The following P4HA3 variants were observed in gnomAD, a reference collection of about 807,000 sequenced individuals.
P4HA3 encodes the protein prolyl 4-hydroxylase subunit alpha-3.
P4HA3 carries 60 observed loss-of-function variants against 66.7 expected under a neutral mutation model. The ratio of observed to expected loss-of-function variants is 0.90; its 90% confidence interval spans 0.73 to 1.12. The LOEUF is 1.12. P4HA3 is among the 50% of genes most tolerant of loss of function. P4HA3 has a pLI of 0.00. For missense variants in P4HA3, 683 were observed against 685.8 expected, an observed-to-expected ratio of 1.00 and a Z score of 0.05; for synonymous variants, 263 against 274.6, an observed-to-expected ratio of 0.96 and a Z score of 0.42.
At chr11:74,276,414 T>A (rs1172309717) in intron 9 of P4HA3, among the ~76,000 whole-genome samples, 5 of 151,788 alleles carry the variant, frequency 3.3e-5, no homozygotes, top group Non-Finnish European at 7.4e-5. Context: ...AAAATTTTTT[T>A]AAATTAGCCA....
At position 74,277,071 on chromosome 11, in the gene P4HA3, C is replaced by T. The variant is rs772105579; in HGVS notation, c.1249G>A (p.Asp417Asn). The change falls in exon 9 of 13, where the codon GAT becomes AAT. Residue 417 changes from aspartate (D) to asparagine (N), a missense_variant. Coordinates refer to ENST00000331597, the MANE Select transcript of P4HA3 (RefSeq NM_182904.5). ...NHRIAALTGL[D>N]VRPPYAEYLQ... ...TACTCTGCATAGGGAGGCCGGACAT[C>T]AAGGCCTGTGAGGGCAGCAATGCGG... is the stretch of plus-strand genomic sequence containing the variant. 2.5e-6 allele frequency: 4 copies of T among 1,614,158 alleles called. No homozygotes were observed. Among genetic ancestry groups the T allele is most frequent in the Non-Finnish European group, 3.4e-6 (4 of 1,180,018 alleles).
downstream of P4HA3, among the ~76,000 whole-genome samples, chr11:74,265,029 C>T (rs565601476): frequency 3.3e-5 from 5 of 152,306 alleles, no homozygotes; most frequent in African/African-American, 1.2e-4. Flanking sequence ...TATAAAACTG[C>T]CTCCTTATCT....
intron 5 of P4HA3, chr11:74,287,064 C>T (rs1860825393): frequency 3.5e-6 from 4 of 1,139,420 alleles, no homozygotes; most frequent in South Asian, 3.8e-5. Flanking sequence ...AGACTGGATT[C>T]CCACAGGGCC....
chr11:74,261,532 C>T (rs989684227), intron 14 of P4HA3, among the ~76,000 whole-genome samples: 12 of 151,828 alleles, frequency 7.9e-5, no homozygotes, highest in Admixed American at 1.3e-4. Context: ...CCCTATCTGC[C>T]TAGGCATTTG....
chr11:74,308,190 C>A (rs1861626860), intron 1 of P4HA3, among the ~76,000 whole-genome samples: 1 of 152,134 alleles, frequency 6.6e-6, no homozygotes, highest in Admixed American at 6.6e-5. Context: ...GAAAAATTAG[C>A]AAGAACTGCC....
At chr11:74,260,345 G>A (rs1859887381) in intron 14 of P4HA3, among the ~76,000 whole-genome samples, 1 of 152,118 alleles carries the variant, frequency 6.6e-6, no homozygotes, top group Non-Finnish European at 1.5e-5. Context: ...GTGGCAGCAG[G>A]ATAAAACCAT....
At chr11:74,289,552 G>A (rs112103344) in intron 4 of P4HA3, among the ~76,000 whole-genome samples, 6,041 of 150,912 alleles carry the variant, frequency 0.04, 130 homozygotes, top group Middle Eastern at 0.11. Context: ...CCATTAACTC[G>A]TCATTTAGCA....
downstream of P4HA3, among the ~76,000 whole-genome samples, chr11:74,262,705 T>C (rs545695827): frequency 6.6e-6 from 1 of 152,216 alleles, no homozygotes; most frequent in Non-Finnish European, 1.5e-5. Context: ...GCCGATTTCA[T>C]AGTTCTACTG....
chr11:74,258,113 G>GC (rs1859856127), intron 15 of P4HA3, among the ~76,000 whole-genome samples: 1 of 152,102 alleles, frequency 6.6e-6, no homozygotes, highest in Admixed American at 6.5e-5. Flanking sequence ...GCTCCAGCTG[G>GC]CCACCCCATC....
At chr11:74,263,076 CCT>C (rs1322614923), downstream of P4HA3, among the ~76,000 whole-genome samples, 1 of 152,240 alleles carries the variant, frequency 6.6e-6, no homozygotes, top group Non-Finnish European at 1.5e-5. Context: ...AGGGCCCTAC[CCT>C]CTCTCCAAGC....
intron 4 of P4HA3, among the ~76,000 whole-genome samples, chr11:74,295,757 C>A (rs1473237330): frequency 6.6e-6 from 1 of 152,098 alleles, no homozygotes; most frequent in African/African-American, 2.4e-5. Flanking sequence ...GAGAACCTAA[C>A]CATTCCACTA....
chr11:74,272,408 C>T (rs887578895), intron 10 of P4HA3, among the ~76,000 whole-genome samples: 4 of 152,136 alleles, frequency 2.6e-5, no homozygotes, highest in Admixed American at 1.3e-4. Context: ...TTCATTCTTT[C>T]GCCGTTTGTG....
chr11:74,279,291 C>T (rs1860508402), intron 8 of P4HA3, 97 bp downstream of exon 8: 1 of 1,133,808 alleles, frequency 8.8e-7, no homozygotes, highest in Non-Finnish European at 1.3e-6. Context: ...GATTCTCCAC[C>T]TCTGGAGGTC....
chr11:74,287,687 C>T (rs983022754), intron 5 of P4HA3, among the ~76,000 whole-genome samples: 2 of 152,110 alleles, frequency 1.3e-5, no homozygotes, highest in Non-Finnish European at 2.9e-5. Context: ...ACATGAAATA[C>T]TTTATAAATA....
At chr11:74,253,689 C>A in intron 15 of P4HA3, 1 of 704,136 alleles carries the variant, frequency 1.4e-6, no homozygotes. Flanking sequence ...GCATTGTTTT[C>A]CAGGGCCCTT....
rs1859754161 is a variant in P4HA3 at position 74,253,390 on chromosome 11, C to T, written c.*1319-5389G>A. On this transcript the variant is annotated intron_variant and NMD_transcript_variant, in intron 15 of 15. Coordinates refer to the P4HA3 transcript ENST00000524388. ...GTGAAATGGGTCAGATTTGCCAGGG[C>T]CTTGGTGGTCATTAGGGAGGGCTTC... 2.0e-5 allele frequency: 24 copies of T among 1,216,536 alleles called. No individual in the cohort carries two copies. The South Asian group carries it at 2.3e-4, about 12-fold the overall frequency. 75.4% of individuals were successfully genotyped at this position (1,216,536 alleles called of 1,614,324 possible). A position where few individuals can be genotyped will look rare whatever the true frequency, so the allele number is the denominator to read the frequency against.
At chr11:74,295,552 T>C (rs1308066175) in intron 4 of P4HA3, among the ~76,000 whole-genome samples, 1 of 152,200 alleles carries the variant, frequency 6.6e-6, no homozygotes, top group Admixed American at 6.5e-5. Flanking sequence ...AAAAAATTAC[T>C]ACACCAAAAT....
At chr11:74,255,931 G>C (rs1264637875) in intron 15 of P4HA3, 1 of 516,634 alleles carries the variant, frequency 1.9e-6, no homozygotes, top group East Asian at 5.5e-5. Flanking sequence ...ACACTTTGCG[G>C]GTGCCTTTGC....
At chr11:74,252,534 G>C in intron 15 of P4HA3, 4 of 455,500 alleles carry the variant, frequency 8.8e-6, no homozygotes, top group Non-Finnish European at 1.8e-5. Flanking sequence ...CCACTCTGCA[G>C]GGGTGATCCT....
Sources: allele counts gnomAD v4.1 joint callset (sites outside exome capture counted in the v4.1 genomes callset), GRCh38; gene constraint gnomAD v4.1.1; transcripts MANE v1.5; gene names NCBI Gene and HGNC (gene_info 2026-07-23, HGNC 2026-07-21).